DTNA: variants seen among roughly 807,000 people sequenced by gnomAD.
DTNA encodes the protein dystrobrevin alpha, also known as dystrophin-related protein 3.
A neutral mutation model predicts 100.7 loss-of-function variants in DTNA; 43 were observed. That is an observed-to-expected ratio of 0.43 (90% CI 0.33 to 0.55). The LOEUF (loss-of-function observed/expected upper bound fraction) is 0.55. Among genes scored for constraint, DTNA ranks in the 20% least tolerant of loss-of-function variants. The pLI, the probability that DTNA is intolerant of heterozygous loss-of-function variation, is 0.04. For synonymous variants in DTNA, 349 were observed against 347.9 expected (o/e 1.00, Z -0.04); for missense variants, 798 against 953.9 (o/e 0.84, Z 2.15).
At chr18:34,503,850 A>G (rs1349940855) in intron 1 of DTNA, among the ~76,000 whole-genome samples, 1 of 151,496 alleles carries the variant, frequency 6.6e-6, no homozygotes, top group Non-Finnish European at 1.5e-5. Context: ...TTTTTGAGAC[A>G]GAGTCTCGCT....
chr18:34,803,858 G>A (rs985138003), intron 4 of DTNA, among the ~76,000 whole-genome samples: 1 of 152,114 alleles, frequency 6.6e-6, no homozygotes, highest in Non-Finnish European at 1.5e-5. Context: ...AAAATTCTAG[G>A]TGTAATTTTT....
intron 1 of DTNA, among the ~76,000 whole-genome samples, chr18:34,616,697 T>A (rs1266575756): frequency 6.6e-6 from 1 of 152,234 alleles, no homozygotes; most frequent in African/African-American, 2.4e-5. Flanking sequence ...TAGCATTGAA[T>A]CTGTAAATTG....
At chr18:34,883,566 T>A (rs1293280393) in intron 21 of DTNA, among the ~76,000 whole-genome samples, 2 of 152,044 alleles carry the variant, frequency 1.3e-5, no homozygotes, top group African/African-American at 4.8e-5. Context: ...CACCCCGGCC[T>A]CCCAAAGTGT....
intron 1 of DTNA, among the ~76,000 whole-genome samples, chr18:34,596,705 A>G (rs116018167): frequency 0.012 from 1,869 of 152,270 alleles, 33 homozygotes; most frequent in African/African-American, 0.041. Flanking sequence ...AAGTTTGCTG[A>G]TATCATTAAT....
rs143947957 is a variant in DTNA, at chr18:34,788,713, C to A, written c.149-5324C>A. 4.6e-5 allele frequency among the ~76,000 whole-genome samples: 7 copies of A among 152,306 alleles called. No individual in the cohort carries two copies. In the East Asian group the frequency reaches 1.3e-3, roughly 29 times the overall value. On this transcript the variant is annotated intron_variant, in intron 3 of 22. Coordinates refer to ENST00000444659, the MANE Select transcript of DTNA (RefSeq NM_001386795.1). Reference sequence around the variant, plus strand: ...AACTCCACTAACTCAAAATTTATGACAACAAAACTAAGTGTCTGCTTTTGT... The same window carrying A: ...AACTCCACTAACTCAAAATTTATGAAAACAAAACTAAGTGTCTGCTTTTGT...
chr18:34,645,557 A>G (rs2059737802), intron 1 of DTNA, among the ~76,000 whole-genome samples: 1 of 152,138 alleles, frequency 6.6e-6, no homozygotes, highest in South Asian at 2.1e-4. Context: ...GTATAAATCC[A>G]TATAGAAGAT....
Position 34,889,091 on chromosome 18 carries a change from A to G in DTNA, c.*1357A>G, listed in dbSNP as rs562398127. 3.2e-5 allele frequency: 32 copies of G among 985,354 alleles called. No individual in the cohort carries two copies. The African/African-American group carries it at 5.2e-4, about 16-fold the overall frequency. 61.0% of individuals were successfully genotyped at this position (985,354 alleles called of 1,614,324 possible). A position where few individuals can be genotyped will look rare whatever the true frequency, so the allele number is the denominator to read the frequency against. On this transcript the variant is annotated 3_prime_UTR_variant, in exon 23 of 23. Transcript: ENST00000444659. Reference sequence around the variant, plus strand: ...AAGACCTCCTTTGGGAATTCTGGGGAAAAAGAAAAAGTAATCTTCTACTTG... The same window carrying G: ...AAGACCTCCTTTGGGAATTCTGGGGGAAAAGAAAAAGTAATCTTCTACTTG...
chr18:34,870,785 C>T (rs1439475668), intron 17 of DTNA, among the ~76,000 whole-genome samples: 1 of 152,092 alleles, frequency 6.6e-6, no homozygotes, highest in Admixed American at 6.6e-5. Context: ...TCCTGCTGTT[C>T]CCAGGTTGCT....
intron 14 of DTNA, among the ~76,000 whole-genome samples, chr18:34,850,148 C>A (rs1039602224): frequency 4.6e-5 from 7 of 152,138 alleles, no homozygotes; most frequent in Non-Finnish European, 7.4e-5. Context: ...CTGAGTAAAT[C>A]ATGATTAGTA....
At chr18:34,886,513 A>G (rs190614995) in intron 22 of DTNA, among the ~76,000 whole-genome samples, 1 of 152,340 alleles carries the variant, frequency 6.6e-6, no homozygotes, top group East Asian at 1.9e-4. Context: ...TGTTCTGCAC[A>G]TTATTTAAAC....
intron 10 of DTNA, chr18:34,828,917 C>A: frequency 1.9e-6 from 2 of 1,066,746 alleles, no homozygotes; most frequent in Non-Finnish European, 1.4e-6. Context: ...GTCTGTGCAT[C>A]TATCTAGGGA....
At chr18:34,497,066 A>G (rs547681339) in intron 1 of DTNA, among the ~76,000 whole-genome samples, 1 of 141,822 alleles carries the variant, frequency 7.1e-6, no homozygotes, top group South Asian at 2.2e-4. Flanking sequence ...GCCTATTTGC[A>G]AAGAGTTATT....
chr18:34,810,193 G>A (rs1602442473), intron 5 of DTNA, among the ~76,000 whole-genome samples: 2 of 152,170 alleles, frequency 1.3e-5, no homozygotes, highest in East Asian at 3.9e-4. Flanking sequence ...CTAGTATTAT[G>A]GAAAATACTG....
intron 1 of DTNA, among the ~76,000 whole-genome samples, chr18:34,537,745 G>C (rs1013216582): frequency 6.6e-6 from 1 of 151,914 alleles, no homozygotes; most frequent in Non-Finnish European, 1.5e-5. Context: ...ACGTAGTTGG[G>C]ATCTAGTAAA....
At chr18:34,885,685 G>A (rs955939302) in intron 22 of DTNA, among the ~76,000 whole-genome samples, 12 of 152,132 alleles carry the variant, frequency 7.9e-5, no homozygotes, top group Non-Finnish European at 8.8e-5. Context: ...CTACTCACTG[G>A]GATGTAGTTT....
chr18:34,524,745 A>G (rs1342069521), intron 1 of DTNA, among the ~76,000 whole-genome samples: 1 of 151,728 alleles, frequency 6.6e-6, no homozygotes, highest in Non-Finnish European at 1.5e-5. Context: ...TTTTAGAGAC[A>G]CAAGAGGATT....
chr18:34,852,650 C>T (rs866683895), intron 15 of DTNA, among the ~76,000 whole-genome samples: 1 of 152,198 alleles, frequency 6.6e-6, no homozygotes, highest in South Asian at 2.1e-4. Context: ...CCTGCCATTC[C>T]AGCCTCAGCT....
At chr18:34,508,524 A>G (rs1309260946) in intron 1 of DTNA, among the ~76,000 whole-genome samples, 1 of 152,148 alleles carries the variant, frequency 6.6e-6, no homozygotes, top group African/African-American at 2.4e-5. Context: ...AAACCCCAGG[A>G]TAGGGTAAGA....
intron 1 of DTNA, among the ~76,000 whole-genome samples, chr18:34,541,502 G>T (rs542904265): frequency 6.6e-6 from 1 of 151,988 alleles, no homozygotes; most frequent in East Asian, 1.9e-4. Flanking sequence ...TAATAAAGGG[G>T]AGTTCCCCAA....
Sources: gnomAD v4.1 joint callset for allele counts (sites outside exome capture counted in the v4.1 genomes callset) on GRCh38, gnomAD v4.1.1 for gene constraint, MANE v1.5 for transcripts, NCBI Gene and HGNC (gene_info 2026-07-23, HGNC 2026-07-21) for gene names.